The following PSMA3 variants were observed in gnomAD, a reference collection of about 807,000 sequenced individuals.
The protein encoded by PSMA3 is proteasome 20S subunit alpha 3, also known as proteasome subunit alpha type-3.
A neutral mutation model predicts 40.0 loss-of-function variants in PSMA3; 8 were observed. The ratio of observed to expected loss-of-function variants is 0.20; its 90% CI spans 0.12 to 0.36. The LOEUF (loss-of-function observed/expected upper bound fraction) is 0.36. PSMA3 is among the 10% of genes least tolerant of loss of function. The pLI is 1.00. For missense variants in PSMA3, 219 were observed against 310.6 expected, an observed-to-expected ratio of 0.70 and a Z score of 2.22; for synonymous variants, 110 against 100.0, an observed-to-expected ratio of 1.10 and a Z score of -0.59.
chr14:58,261,343 A>G (rs1373968019), intron 6 of PSMA3, among the ~76,000 whole-genome samples: 4 of 151,706 alleles, frequency 2.6e-5, no homozygotes, highest in African/African-American at 9.7e-5. Context: ...CCACCTGGCT[A>G]ATTTTTTTTA....
chr14:58,258,103 G>A (rs978810198), intron 5 of PSMA3, 105 bp downstream of exon 5: 34 of 767,672 alleles, frequency 4.4e-5, no homozygotes, highest in African/African-American at 9.1e-5. Context: ...GAAACTCGTC[G>A]ATAAGTATTA....
rs759700275 is a variant in PSMA3 at position 58,252,248 on chromosome 14, G to T, written c.228+6G>T. On this transcript the variant is annotated splice_donor_region_variant and intron_variant, in intron 3 of 10. Coordinates refer to ENST00000216455, the MANE Select transcript of PSMA3 (RefSeq NM_002788.4). ...TTGATCGGCATGTTGGAATGGTAAG[G>T]TCATGTTTAAAATGTTCCTTTTTGT... 6.2e-6 allele frequency: 10 copies of T among 1,603,812 alleles called. No individual in the cohort carries two copies. Among genetic ancestry groups the T allele is most frequent in the Admixed American group, 5.3e-5 (3 of 56,760 alleles).
intron 5 of PSMA3, 152 bp from the exon 6 acceptor site, chr14:58,260,796 A>C: frequency 3.9e-6 from 2 of 506,748 alleles, no homozygotes; most frequent in Non-Finnish European, 7.0e-6. Context: ...AGTTTTAATT[A>C]ATTGAAACCA....
intron 2 of PSMA3, among the ~76,000 whole-genome samples, chr14:58,249,351 GTTTA>G (rs879463657): frequency 7.9e-5 from 12 of 152,034 alleles, no homozygotes; most frequent in Non-Finnish European, 1.5e-4. Context: ...AAAAAAAAAT[GTTTA>G]TTTATTTTAA....
chr14:58,267,769 A>G (rs1309943263), intron 8 of PSMA3: 1 of 520,726 alleles, frequency 1.9e-6, no homozygotes, highest in African/African-American at 2.0e-5. Context: ...TTAAGGACAT[A>G]TACCATTAGG....
chr14:58,252,042 G>C (rs1890023166), intron 2 of PSMA3, 77 bp from the exon 3 acceptor site: 2 of 1,450,224 alleles, frequency 1.4e-6, no homozygotes, highest in Non-Finnish European at 1.9e-6. Flanking sequence ...TACTTATTTT[G>C]TTTTTTTGTT....
chr14:58,270,736 T>C (rs1481463397), intron 9 of PSMA3, among the ~76,000 whole-genome samples, 198 bp from the exon 10 acceptor site: 1 of 152,218 alleles, frequency 6.6e-6, no homozygotes, highest in East Asian at 1.9e-4. Context: ...TTACTTTCAT[T>C]TCCATAAGAA....
At chr14:58,252,374 T>C (rs890206247) in intron 3 of PSMA3, 132 bp downstream of exon 3, 7 of 1,191,636 alleles carry the variant, frequency 5.9e-6, no homozygotes, top group Non-Finnish European at 8.0e-6. Context: ...CACTGTCCAG[T>C]AGAAAGGCAG....
At chr14:58,263,609 T>C in intron 6 of PSMA3, 96 bp from the exon 7 acceptor site, 1 of 954,122 alleles carries the variant, frequency 1.0e-6, no homozygotes, top group African/African-American at 1.7e-5. Flanking sequence ...AAAAGTCATT[T>C]AGCATCCTTT....
At chr14:58,247,101 A>C (rs1266047104) in intron 1 of PSMA3, among the ~76,000 whole-genome samples, 2 of 152,336 alleles carry the variant, frequency 1.3e-5, no homozygotes, top group Admixed American at 6.5e-5. Context: ...AATGTCAAGA[A>C]GACTTTTCCT....
At chr14:58,266,321 T>G (rs146859615) in intron 7 of PSMA3, 1 of 152,326 alleles carries the variant, frequency 6.6e-6, no homozygotes, top group African/African-American at 2.4e-5. Context: ...ATATAGTAGT[T>G]GAATCACCTT....
intron 7 of PSMA3, chr14:58,266,482 T>C (rs982861535): frequency 6.6e-6 from 1 of 152,158 alleles, no homozygotes; most frequent in Non-Finnish European, 1.5e-5. Context: ...GAAACCCACG[T>C]CTAATAACAA....
At chr14:58,269,048 C>T (rs2140097731) in intron 8 of PSMA3, among the ~76,000 whole-genome samples, 1 of 152,200 alleles carries the variant, frequency 6.6e-6, no homozygotes, top group Non-Finnish European at 1.5e-5. Context: ...AATTCTCCTG[C>T]ATCAGCCTCT....
chr14:58,269,750 T>TA (rs1372213848), intron 8 of PSMA3: 2 of 152,148 alleles, frequency 1.3e-5, no homozygotes, highest in African/African-American at 4.8e-5. Context: ...TGGTTTTAAA[T>TA]ATATTTAAGT....
At chr14:58,258,110 A>AACT in intron 5 of PSMA3, 112 bp downstream of exon 5, 1 of 793,334 alleles carries the variant, frequency 1.3e-6, no homozygotes, top group Admixed American at 2.2e-5. Context: ...GTCGATAAGT[A>AACT]TTAGGGCAAT....
intron 7 of PSMA3, among the ~76,000 whole-genome samples, chr14:58,264,484 G>A (rs919037758): frequency 5.9e-5 from 9 of 152,144 alleles, no homozygotes; most frequent in Non-Finnish European, 1.3e-4. Flanking sequence ...CATGGATACT[G>A]TTTCAATATT....
intron 1 of PSMA3, chr14:58,245,402 C>G: frequency 5.8e-6 from 1 of 171,546 alleles, no homozygotes; most frequent in Non-Finnish European, 1.3e-5. Flanking sequence ...TTTAAGTGTG[C>G]AGATCATTGA....
chr14:58,259,647 GAGTT>G (rs776491237), intron 5 of PSMA3, among the ~76,000 whole-genome samples: 4 of 152,174 alleles, frequency 2.6e-5, no homozygotes, highest in African/African-American at 4.8e-5. Flanking sequence ...ATTGGGCACT[GAGTT>G]AGTCATAAAT....
intron 7 of PSMA3, 54 bp from the exon 8 acceptor site, chr14:58,267,420 T>G: frequency 7.0e-7 from 1 of 1,420,136 alleles, no homozygotes; most frequent in East Asian, 2.7e-5. Context: ...AAATAGTTAT[T>G]ACACAAGTGG....
Sources: gnomAD v4.1 joint callset for allele counts (sites outside exome capture counted in the v4.1 genomes callset) on GRCh38, gnomAD v4.1.1 for gene constraint, MANE v1.5 for transcripts, NCBI Gene and HGNC (gene_info 2026-07-23, HGNC 2026-07-21) for gene names.